Variants in SAMD12 observed in about 807,000 individuals in gnomAD.
The protein encoded by SAMD12 is sterile alpha motif domain-containing protein 12.
SAMD12 carries 9 observed loss-of-function variants against 15.0 expected under a neutral mutation model. That is an observed-to-expected ratio of 0.60 (90% CI 0.36 to 1.05). The LOEUF is 1.05. SAMD12 is among the 50% of genes least tolerant of loss of function. The pLI, the probability that SAMD12 is intolerant of heterozygous loss-of-function variation, is 0.01. For missense variants in SAMD12, 230 were observed against 234.2 expected, an observed-to-expected ratio of 0.98 and a Z score of 0.12; for synonymous variants, 86 against 90.1, an observed-to-expected ratio of 0.96 and a Z score of 0.25.
chr8:118,600,061 G>A (rs570779800), intron 1 of SAMD12, among the ~76,000 whole-genome samples: 8 of 152,296 alleles, frequency 5.3e-5, no homozygotes, highest in Middle Eastern at 3.4e-3. Flanking sequence ...TATAGCATAT[G>A]TCACGTGAAA....
rs188895630 is a variant in SAMD12, at chr8:118,415,360, C to T, written c.322+24472G>A. Among the ~76,000 whole-genome samples, 953 of 152,000 alleles carry T rather than the reference C, an allele frequency of 6.3e-3. 10 individuals are homozygous for T. The highest frequency in any genetic ancestry group is 0.01 in the Middle Eastern group (3 of 294). ...ACAAATAATGAACCACACCACCATG[C>T]GAACCCTGTTGTAGTTAGGACTTAC... On this transcript the variant is annotated intron_variant, in intron 3 of 3. Coordinates refer to ENST00000314727, the MANE Select transcript of SAMD12 (RefSeq NM_207506.3).
chr8:118,214,675 G>C (rs1409250220), intron 4 of SAMD12, among the ~76,000 whole-genome samples: 1 of 152,202 alleles, frequency 6.6e-6, no homozygotes, highest in Non-Finnish European at 1.5e-5. Context: ...CAGAAGGTAG[G>C]GGAAAGTCAT....
intron 3 of SAMD12, among the ~76,000 whole-genome samples, chr8:118,381,474 T>C (rs1209749445): frequency 6.6e-6 from 1 of 152,206 alleles, no homozygotes. Flanking sequence ...CAAAAGGGAC[T>C]TTGCAAATGT....
At chr8:118,197,911 A>G (rs982036772) in intron 4 of SAMD12, among the ~76,000 whole-genome samples, 1 of 152,000 alleles carries the variant, frequency 6.6e-6, no homozygotes, top group African/African-American at 2.4e-5. Context: ...TATTCATGAA[A>G]TTTTTTTTTC....
intron 2 of SAMD12, among the ~76,000 whole-genome samples, chr8:118,553,364 C>A (rs112374042): frequency 6.6e-6 from 1 of 151,862 alleles, no homozygotes; most frequent in Non-Finnish European, 1.5e-5. Flanking sequence ...ACAGAGCCCT[C>A]AGAAATAACG....
chr8:118,621,625 A>C, intron 1 of SAMD12, 179 bp downstream of exon 1: 2 of 675,456 alleles, frequency 3.0e-6, no homozygotes, highest in Non-Finnish European at 5.3e-6. Flanking sequence ...AAGCAACTGA[A>C]TTAAAGCGCC....
At chr8:118,143,780 A>G in the SAMD12 span, among the ~76,000 whole-genome samples, 1 of 152,230 alleles carries the variant, frequency 6.6e-6, no homozygotes, top group Non-Finnish European at 1.5e-5. Flanking sequence ...CTAACATGCC[A>G]TAGAATATGG....
Position 118,379,848 on chromosome 8 carries a change from G to A in SAMD12, c.323-148C>T, listed in dbSNP as rs1819584121. ...ATAAAGGTCTTCCATTATTATTGCT[G>A]ACACAAATGGATTATCTGGGTGAAA... On this transcript the variant is annotated intron_variant, in intron 3 of 3. Transcript: ENST00000314727. 4 of 989,682 alleles carry A rather than the reference G, an allele frequency of 4.0e-6. No homozygotes were observed. In the East Asian group the frequency reaches 1.0e-4, roughly 26 times the overall value. 61.3% of individuals were successfully genotyped at this position (989,682 alleles called of 1,614,324 possible).
chr8:118,615,787 T>C (rs1828225193), intron 1 of SAMD12, among the ~76,000 whole-genome samples: 1 of 151,946 alleles, frequency 6.6e-6, no homozygotes, highest in African/African-American at 2.4e-5. Context: ...GCAAGGCAGA[T>C]GAGAAAGAAA....
intron 2 of SAMD12, among the ~76,000 whole-genome samples, chr8:118,574,918 TC>T (rs1464919123): frequency 2.6e-5 from 4 of 152,214 alleles, no homozygotes; most frequent in African/African-American, 9.6e-5. Flanking sequence ...GATCATTCTA[TC>T]CCTAAATTGC....
chr8:118,165,834 A>C, the SAMD12 span, among the ~76,000 whole-genome samples: 1 of 151,878 alleles, frequency 6.6e-6, no homozygotes, highest in Admixed American at 6.6e-5. Context: ...AACATGGTTG[A>C]GTCCAGTTTT....
intron 4 of SAMD12, among the ~76,000 whole-genome samples, chr8:118,359,327 C>T (rs191960472): frequency 2.6e-5 from 4 of 152,082 alleles, no homozygotes; most frequent in South Asian, 2.1e-4. Context: ...CTGCCAACGC[C>T]GTGACCTTGG....
At chr8:118,509,122 GGGT>G (rs1408462858) in intron 2 of SAMD12, among the ~76,000 whole-genome samples, 1 of 152,122 alleles carries the variant, frequency 6.6e-6, no homozygotes, top group African/African-American at 2.4e-5. Flanking sequence ...TCACTTTCTT[GGGT>G]GATCCTGAGT....
chr8:118,281,698 T>C (rs1813654075), intron 4 of SAMD12, among the ~76,000 whole-genome samples: 1 of 152,176 alleles, frequency 6.6e-6, no homozygotes, highest in African/African-American at 2.4e-5. Flanking sequence ...AACCAGGCTC[T>C]GAGACAAGAT....
intron 4 of SAMD12, among the ~76,000 whole-genome samples, chr8:118,206,684 T>C (rs957214007): frequency 3.9e-5 from 6 of 152,242 alleles, no homozygotes; most frequent in African/African-American, 1.4e-4. Flanking sequence ...TGAGTGTTTC[T>C]CAAACTTTAC....
At chr8:118,275,193 ATTTTT>A (rs1462468188) in intron 4 of SAMD12, among the ~76,000 whole-genome samples, 1 of 152,080 alleles carries the variant, frequency 6.6e-6, no homozygotes, top group African/African-American at 2.4e-5. Flanking sequence ...TTATAGAATA[ATTTTT>A]TTATATTTAT....
chr8:118,377,778 ATG>A (rs1819462284), downstream of SAMD12, among the ~76,000 whole-genome samples: 1 of 152,208 alleles, frequency 6.6e-6, no homozygotes, highest in Non-Finnish European at 1.5e-5. Context: ...AATGCGTCAC[ATG>A]TGAGTTTAGG....
the SAMD12 span, among the ~76,000 whole-genome samples, chr8:118,180,841 A>G: frequency 2.0e-5 from 3 of 151,602 alleles, no homozygotes; most frequent in African/African-American, 7.3e-5. Flanking sequence ...GATTATAGGC[A>G]CGAGCCACTG....
intron 3 of SAMD12, among the ~76,000 whole-genome samples, chr8:118,420,602 C>A (rs760721992): frequency 1.3e-5 from 2 of 151,994 alleles, no homozygotes; most frequent in Non-Finnish European, 2.9e-5. Context: ...AATAAATATT[C>A]GTATAGAGAA....
Sources: allele counts gnomAD v4.1 joint callset (sites outside exome capture counted in the v4.1 genomes callset), GRCh38; gene constraint gnomAD v4.1.1; transcripts MANE v1.5; gene names NCBI Gene and HGNC (gene_info 2026-07-23, HGNC 2026-07-21).